Variants in CD2AP observed in about 807,000 individuals in gnomAD.
CD2AP encodes CD2-associated protein.
Under a neutral mutation model 85.1 loss-of-function variants are expected in CD2AP, and 46 were observed. That is an observed-to-expected ratio of 0.54 (90% CI 0.43 to 0.69). CD2AP has a LOEUF of 0.69. Ranked by LOEUF, CD2AP falls within the 30% of genes least tolerant of loss-of-function variation. The pLI is 0.00. For missense variants in CD2AP, 769 were observed against 729.5 expected, an observed-to-expected ratio of 1.05 and a Z score of -0.62; for synonymous variants, 255 against 252.9, an observed-to-expected ratio of 1.01 and a Z score of -0.08.
At chr6:47,610,108 G>A (rs1259066706) in intron 16 of CD2AP, among the ~76,000 whole-genome samples, 1 of 152,196 alleles carries the variant, frequency 6.6e-6, no homozygotes, top group East Asian at 1.9e-4. Context: ...ACTTTTTAGA[G>A]CTAAAACAAA....
intron 6 of CD2AP, among the ~76,000 whole-genome samples, chr6:47,575,009 A>C (rs1168273986): frequency 6.6e-6 from 1 of 152,132 alleles, no homozygotes; most frequent in African/African-American, 2.4e-5. Flanking sequence ...TTGGTTATTG[A>C]GATACTATTA....
intron 1 of CD2AP, among the ~76,000 whole-genome samples, chr6:47,490,599 T>G (rs1765709175): frequency 1.3e-5 from 2 of 152,188 alleles, no homozygotes; most frequent in South Asian, 4.1e-4. Flanking sequence ...TACGTGGTAA[T>G]TTCTTTGTTT....
chr6:47,544,700 T>C lies in CD2AP; in HGVS notation c.414T>C (p.Asn138=). The change falls in exon 4 of 18, where the codon AAT becomes AAC. Residue 138 remains asparagine (N), a synonymous_variant. Coordinates refer to ENST00000359314, the MANE Select transcript of CD2AP (RefSeq NM_012120.3). ...ELKVGDIIDI[N]EEVEEGWWSG... Reference sequence around the variant, plus strand: ...AAGTGGGAGATATTATTGATATTAATGAAGAGGTAAGGAAAAAATGTGTTA... The same window carrying C: ...AAGTGGGAGATATTATTGATATTAACGAAGAGGTAAGGAAAAAATGTGTTA... 1 of 1,594,040 alleles carries C rather than the reference T, an allele frequency of 6.3e-7. No homozygotes were observed. Among genetic ancestry groups the C allele is most frequent in the Non-Finnish European group, 8.6e-7 (1 of 1,162,082 alleles).
In CD2AP at chr6:47,608,003, A is replaced by G; in HGVS notation, c.1607A>G (p.Lys536Arg). The change falls in exon 15 of 18, where the codon AAA (lysine) becomes AGA (arginine). Residue 536 changes from lysine to arginine, a missense_variant. Coordinates refer to ENST00000359314, the MANE Select transcript of CD2AP (RefSeq NM_012120.3). ...DSANLKPSELKKDTCYSPKPS... is the reference protein window; with the variant it reads ...DSANLKPSELRKDTCYSPKPS... ...GCCAACCTGAAGCCATCTGAATTAAAAAAAGATACATGCTACTCTCCAAAG... is the reference window on the plus strand; with the variant it reads ...GCCAACCTGAAGCCATCTGAATTAAGAAAAGATACATGCTACTCTCCAAAG... 6.2e-7 allele frequency: 1 copy of G among 1,612,546 alleles called. No individual in the cohort carries two copies.
At chr6:47,576,870 ATAAG>A in intron 7 of CD2AP, 135 bp from the exon 8 acceptor site, 1 of 665,676 alleles carries the variant, frequency 1.5e-6, no homozygotes, top group Non-Finnish European at 2.7e-6. Context: ...GGTATTGACT[ATAAG>A]TATTTTAAAA....
chr6:47,515,478 T>C (rs946053025), intron 2 of CD2AP, among the ~76,000 whole-genome samples: 2 of 152,228 alleles, frequency 1.3e-5, no homozygotes, highest in Non-Finnish European at 2.9e-5. Flanking sequence ...TTTATTCTCA[T>C]GTCTTTGAAA....
In CD2AP at chr6:47,498,375, C is replaced by T. The variant is rs533012048; in HGVS notation, c.5-4905C>T. Among the ~76,000 whole-genome samples the T allele has an allele frequency of 3.3e-5, 5 of 152,142 alleles. No individual in the cohort carries two copies. The East Asian group carries it at 7.7e-4, about 23-fold the overall frequency. ...TTCCTGTCAGAGAGCTTTCTAGGAT[C>T]GTTTATTGTTATTATGAAATTGCAC... is the stretch of plus-strand genomic sequence containing the variant. On this transcript the variant is annotated intron_variant, in intron 1 of 17. Transcript: ENST00000359314.
chr6:47,558,409 C>T (rs1331811565), intron 5 of CD2AP, among the ~76,000 whole-genome samples: 1 of 152,168 alleles, frequency 6.6e-6, no homozygotes, highest in Admixed American at 6.5e-5. Context: ...CCGGTTTTCA[C>T]AGGGAATGCT....
intron 10 of CD2AP, among the ~76,000 whole-genome samples, chr6:47,581,650 A>G (rs1055055010): frequency 2.6e-5 from 4 of 152,222 alleles, no homozygotes; most frequent in Non-Finnish European, 1.5e-5. Context: ...AAAATTTAAA[A>G]ATTCAGTTTC....
At chr6:47,552,126 A>C (rs1767543958) in intron 4 of CD2AP, among the ~76,000 whole-genome samples, 1 of 152,022 alleles carries the variant, frequency 6.6e-6, no homozygotes, top group African/African-American at 2.4e-5. Context: ...CAGTCCTTGC[A>C]GTCTGTTTTT....
rs1015522055 is a variant in CD2AP, at chr6:47,626,064, C to A, written c.*1837C>A. The A allele has an allele frequency of 1.3e-5, 2 of 151,844 alleles. No individual in the cohort carries two copies. Among genetic ancestry groups the A allele is most frequent in the Admixed American group, 1.3e-4 (2 of 15,250 alleles). The allele number at this position is 151,844 out of a possible 1,614,324, so 9.4% of individuals were successfully genotyped here. ...TAGAAATTATCCTCCAGCTTTCTCA[C>A]CTGAAAATCTATTGAAGTGATCCCT... On this transcript the variant is annotated 3_prime_UTR_variant, in exon 18 of 18. Coordinates refer to ENST00000359314, the MANE Select transcript of CD2AP (RefSeq NM_012120.3).
intron 1 of CD2AP, among the ~76,000 whole-genome samples, chr6:47,497,978 C>T (rs1020077626): frequency 6.6e-6 from 1 of 152,132 alleles, no homozygotes; most frequent in Non-Finnish European, 1.5e-5. Context: ...AGGTTGGTGC[C>T]ACTATTTCTT....
chr6:47,498,299 A>G (rs1337541838), intron 1 of CD2AP, among the ~76,000 whole-genome samples: 1 of 152,192 alleles, frequency 6.6e-6, no homozygotes, highest in Non-Finnish European at 1.5e-5. Context: ...AGTATTGCCA[A>G]TGAGAAGTGT....
intron 16 of CD2AP, among the ~76,000 whole-genome samples, chr6:47,611,796 C>CA (rs1486737125): frequency 1.3e-5 from 2 of 151,686 alleles, no homozygotes; most frequent in East Asian, 1.9e-4. Context: ...ATCAGCCAAA[C>CA]AAAAAACCTC....
intron 1 of CD2AP, among the ~76,000 whole-genome samples, chr6:47,487,835 A>T (rs1184767124): frequency 1.3e-5 from 2 of 152,172 alleles, no homozygotes; most frequent in Admixed American, 6.5e-5. Context: ...ACTTGTATTG[A>T]CTAGCAGAAA....
intron 17 of CD2AP, among the ~76,000 whole-genome samples, chr6:47,618,885 A>G (rs1395647229): frequency 2.0e-5 from 3 of 152,158 alleles, no homozygotes; most frequent in Non-Finnish European, 4.4e-5. Flanking sequence ...TTTACCCTGT[A>G]TTTGTAAAAG....
chr6:47,554,810 A>T, intron 5 of CD2AP, 44 bp downstream of exon 5: 1 of 1,498,196 alleles, frequency 6.7e-7, no homozygotes, highest in Non-Finnish European at 9.1e-7. Flanking sequence ...AATAAACTTT[A>T]TATAGCATCT....
chr6:47,488,159 C>G (rs1211870982), intron 1 of CD2AP, among the ~76,000 whole-genome samples: 1 of 151,312 alleles, frequency 6.6e-6, no homozygotes, highest in Non-Finnish European at 1.5e-5. Flanking sequence ...CTGCTGATTA[C>G]CTACTCCGTG....
chr6:47,622,299 C>T (rs1367857647), intron 17 of CD2AP, among the ~76,000 whole-genome samples: 1 of 152,196 alleles, frequency 6.6e-6, no homozygotes, highest in African/African-American at 2.4e-5. Flanking sequence ...TGGTTCTTCC[C>T]TCGCCTGTGG....
Sources: gnomAD v4.1 joint callset for allele counts (sites outside exome capture counted in the v4.1 genomes callset) on GRCh38, gnomAD v4.1.1 for gene constraint, MANE v1.5 for transcripts, NCBI Gene and HGNC (gene_info 2026-07-23, HGNC 2026-07-21) for gene names.